Variants in MILR1 observed in about 807,000 individuals in gnomAD.
MILR1 encodes the protein allergin-1.
MILR1 carries 31 observed loss-of-function variants against 18.5 expected under a neutral mutation model. The ratio of observed to expected loss-of-function variants is 1.68; its 90% CI spans 1.26 to 2.26. The LOEUF is 2.26. MILR1 is among the 30% of genes most tolerant of loss of function. The pLI is 0.00. For missense variants in MILR1, 257 were observed against 157.4 expected, an observed-to-expected ratio of 1.63 and a Z score of -3.38; for synonymous variants, 85 against 56.2, an observed-to-expected ratio of 1.51 and a Z score of -2.30.
At chr17:64,493,049 T>C in the MILR1 span, 4 of 1,613,014 alleles carry the variant, frequency 2.5e-6, no homozygotes, top group Admixed American at 3.3e-5. Context: ...AATCATTGTA[T>C]ACATCTAGTC....
chr17:64,452,083 T>G (rs2037184884), intron 2 of MILR1, among the ~76,000 whole-genome samples: 1 of 33,036 alleles, frequency 3.0e-5, no homozygotes, highest in Non-Finnish European at 6.6e-5. Flanking sequence ...CCCAGCTATG[T>G]TTTTTTTTTT....
At chr17:64,493,021 C>T in the MILR1 span, 9 of 1,614,040 alleles carry the variant, frequency 5.6e-6, no homozygotes, top group East Asian at 1.1e-4. Flanking sequence ...TTCCAAGGCA[C>T]CTGTCAAAAG....
At chr17:64,482,825 A>C in the MILR1 span, 4 of 773,344 alleles carry the variant, frequency 5.2e-6, no homozygotes, top group Non-Finnish European at 9.2e-6. Context: ...AAATATACCA[A>C]AAAAATCCGA....
the MILR1 span, among the ~76,000 whole-genome samples, chr17:64,496,097 G>A: frequency 6.6e-6 from 1 of 152,212 alleles, no homozygotes; most frequent in Admixed American, 6.5e-5. Flanking sequence ...AGTTCAAAAT[G>A]TCTGTGTAGT....
the MILR1 span, chr17:64,483,038 G>T: frequency 6.0e-6 from 6 of 999,092 alleles, no homozygotes; most frequent in Non-Finnish European, 9.5e-6. Context: ...GACAGGAAAG[G>T]GGAAAAAGCA....
At position 64,451,014 on chromosome 17, in the gene MILR1, C is replaced by A. The variant is rs1032781191; in HGVS notation, c.98-1583C>A. Among the ~76,000 whole-genome samples the A allele has an allele frequency of 2.6e-5, 4 of 152,312 alleles. No individual in the cohort carries two copies. The South Asian group carries it at 8.3e-4, about 32-fold the overall frequency. Reference sequence around the variant, plus strand: ...GCATACACATTTAAATTGTTACAGACCCTGCTAAGTTGCCCTCCCAACAAG... The same window carrying A: ...GCATACACATTTAAATTGTTACAGAACCTGCTAAGTTGCCCTCCCAACAAG... On this transcript the variant is annotated intron_variant, in intron 2 of 9. Transcript: ENST00000619286.
Position 64,466,439 on chromosome 17 carries a change from C to T in MILR1, c.854-3C>T. ...CCCAATTTATGTCATTCTCATTTTA[C>T]AGAGGAGGAATCTGTGCCAGAAGTG... On this transcript the variant is annotated splice_region_variant and splice_polypyrimidine_tract_variant and intron_variant, in intron 6 of 9. Coordinates refer to ENST00000619286, the MANE Select transcript of MILR1 (RefSeq NM_001085423.2). 1.2e-6 allele frequency: 2 copies of T among 1,613,156 alleles called. No individual in the cohort carries two copies. Among genetic ancestry groups the T allele is most frequent in the Non-Finnish European group, 1.7e-6 (2 of 1,179,518 alleles).
At chr17:64,480,832 G>A in the MILR1 span, among the ~76,000 whole-genome samples, 1 of 152,114 alleles carries the variant, frequency 6.6e-6, no homozygotes, top group African/African-American at 2.4e-5. Context: ...AAAAGGATGA[G>A]AAAAAGGAGA....
the MILR1 span, among the ~76,000 whole-genome samples, chr17:64,496,120 T>TA: frequency 2.6e-5 from 4 of 152,238 alleles, no homozygotes; most frequent in African/African-American, 9.6e-5. Context: ...CTTATGCACT[T>TA]AGACTACATT....
At chr17:64,485,712 G>C in the MILR1 span, 28 of 1,603,002 alleles carry the variant, frequency 1.7e-5, no homozygotes, top group South Asian at 3.1e-4. Context: ...GTCTATCTCT[G>C]AAATATCAAC....
chr17:64,482,550 C>T, the MILR1 span, among the ~76,000 whole-genome samples: 1 of 152,170 alleles, frequency 6.6e-6, no homozygotes, highest in African/African-American at 2.4e-5. Context: ...GATCTCTTGA[C>T]CTCGTGATCC....
At chr17:64,450,252 G>A (rs2037138743) in intron 2 of MILR1, among the ~76,000 whole-genome samples, 1 of 151,902 alleles carries the variant, frequency 6.6e-6, no homozygotes, top group Non-Finnish European at 1.5e-5. Flanking sequence ...CTGTGAAGTG[G>A]GCTAATAAAA....
downstream of MILR1, among the ~76,000 whole-genome samples, chr17:64,473,491 G>T (rs566784528): frequency 1.3e-5 from 2 of 152,126 alleles, no homozygotes; most frequent in South Asian, 4.2e-4. Flanking sequence ...CAACTGTCCT[G>T]GAAGGAAATG....
chr17:64,477,632 T>G, the MILR1 span, among the ~76,000 whole-genome samples: 1 of 152,184 alleles, frequency 6.6e-6, no homozygotes. Flanking sequence ...TAATCCAGTA[T>G]AGTAGATTTT....
At chr17:64,478,624 G>A in the MILR1 span, among the ~76,000 whole-genome samples, 5 of 152,200 alleles carry the variant, frequency 3.3e-5, no homozygotes, top group South Asian at 8.3e-4. Context: ...ATGGCTGGGC[G>A]TGGTGACTCA....
At chr17:64,449,890 C>G (rs2037126655) in intron 2 of MILR1, among the ~76,000 whole-genome samples, 2 of 152,118 alleles carry the variant, frequency 1.3e-5, no homozygotes, top group African/African-American at 4.8e-5. Context: ...TAGCCAGCAG[C>G]CTGAGCTCAT....
chr17:64,491,730 T>G, the MILR1 span: 1 of 822,368 alleles, frequency 1.2e-6, no homozygotes, highest in Non-Finnish European at 2.1e-6. Flanking sequence ...GTACATGCTC[T>G]TCATCTACTG....
chr17:64,463,894 G>A (rs977231244), intron 5 of MILR1, among the ~76,000 whole-genome samples: 3 of 139,586 alleles, frequency 2.1e-5, no homozygotes, highest in African/African-American at 5.5e-5. Context: ...CACAATCTCC[G>A]CTCACTGCAA....
At chr17:64,472,465 C>CAAAAAAAA (rs71158332), downstream of MILR1, among the ~76,000 whole-genome samples, 161 of 13,924 alleles carry the variant, frequency 0.012, 11 homozygotes, top group Middle Eastern at 0.1. Context: ...GACTCCATCT[C>CAAAAAAAA]AAAAAAAAAA....
Sources: gnomAD v4.1 joint callset for allele counts (sites outside exome capture counted in the v4.1 genomes callset) on GRCh38, gnomAD v4.1.1 for gene constraint, MANE v1.5 for transcripts, NCBI Gene and HGNC (gene_info 2026-07-23, HGNC 2026-07-21) for gene names.